HDX: variants seen among roughly 807,000 people sequenced by gnomAD.
The protein encoded by HDX is chromosome X open reading frame 43.
In HDX, 19 loss-of-function variants were observed where a neutral mutation model predicts 45.2. That is an observed-to-expected ratio of 0.42 (90% CI 0.29 to 0.62). The LOEUF is 0.62. Ranked by LOEUF, HDX falls within the 20% of genes least tolerant of loss-of-function variation. The pLI, the probability that HDX is intolerant of heterozygous loss-of-function variation, is 0.20. For synonymous variants in HDX, 188 were observed against 172.8 expected (o/e 1.09, Z -0.69); for missense variants, 532 against 493.9 (o/e 1.08, Z -0.73).
At chrX:84,448,127 G>A (rs915779363) in intron 4 of HDX, among the ~76,000 whole-genome samples, 3 of 111,470 alleles carry the variant, frequency 2.7e-5, no homozygotes, top group Admixed American at 9.4e-5. Flanking sequence ...AGGTTACCCC[G>A]CCCCATCCAC....
chrX:84,385,048 T>TC (rs1180223237), intron 5 of HDX, among the ~76,000 whole-genome samples: 1 of 110,084 alleles, frequency 9.1e-6, no homozygotes, highest in Non-Finnish European at 1.9e-5. Context: ...AATTTTTTTT[T>TC]CTCATTCTTT....
chrX:84,493,609 A>G (rs767677698), intron 1 of HDX, among the ~76,000 whole-genome samples: 39 of 112,038 alleles, frequency 3.5e-4, no homozygotes, highest in Non-Finnish European at 6.4e-4. Context: ...GCTTCTACCA[A>G]ATAAATGCAT....
At chrX:84,371,826 C>G (rs1024552988) in intron 5 of HDX, among the ~76,000 whole-genome samples, 1 of 111,394 alleles carries the variant, frequency 9.0e-6, no homozygotes, top group Non-Finnish European at 1.9e-5. Context: ...TACCCTGCTG[C>G]GAAGTTCTAG....
At chrX:84,461,788 A>T (rs1250427814) in intron 4 of HDX, among the ~76,000 whole-genome samples, 1 of 112,247 alleles carries the variant, frequency 8.9e-6, no homozygotes, top group Non-Finnish European at 1.9e-5. Context: ...ATTAATAATC[A>T]GAATACATAA....
rs1279694785 is a variant in HDX, at chrX:84,344,283, C to T, written c.1627G>A (p.Val543Ile). Residue 543 changes from valine (V) to isoleucine (I), a missense_variant, in exon 7 of 11, where the codon GTA (valine) becomes ATA (isoleucine). Val to Ile is a conservative substitution (Grantham distance 29). This residue lies in a region of HDX where 151 missense variants were observed against 131.8 expected (regional missense o/e 1.15). Coordinates refer to ENST00000373177, the MANE Select transcript of HDX (RefSeq NM_001177479.2). ...CTTCCTTCAGACAAACAGATGGATACTTCATCATTTCTGTCATTATCCTCT... is the reference window on the plus strand; with the variant it reads ...CTTCCTTCAGACAAACAGATGGATATTTCATCATTTCTGTCATTATCCTCT... ...VGEDNDRNDE[V>I]SICLSEGSSQ... 1 of 1,207,244 alleles carries T rather than the reference C, an allele frequency of 8.3e-7. No individual in the cohort carries two copies. The highest frequency in any genetic ancestry group is 1.8e-5 in the South Asian group (1 of 56,830).
intron 10 of HDX, among the ~76,000 whole-genome samples, chrX:84,325,254 G>T (rs2036683618): frequency 9.0e-6 from 1 of 111,036 alleles, no homozygotes; most frequent in Non-Finnish European, 1.9e-5. Context: ...TTTCCTTAGG[G>T]ATGTCTGAGA....
rs181698905 is a variant in HDX at position 84,462,487 on chromosome X, G to T, written c.1251+5985C>A. On this transcript the variant is annotated intron_variant, in intron 4 of 10. Coordinates refer to ENST00000373177, the MANE Select transcript of HDX (RefSeq NM_001177479.2). ...AATTTAAAACAATTGAACTCATGGA[G>T]ATAAAGAGGAAAGAGATGATTACCA... Among the ~76,000 whole-genome samples, 165 of 111,272 alleles carry T rather than the reference G, an allele frequency of 1.5e-3. 1 individual carries two copies. Among genetic ancestry groups the T allele is most frequent in the Non-Finnish European group, 2.5e-3 (131 of 52,863 alleles).
intron 4 of HDX, among the ~76,000 whole-genome samples, chrX:84,441,132 T>C: frequency 9.0e-6 from 1 of 111,345 alleles, no homozygotes; most frequent in Non-Finnish European, 1.9e-5. Flanking sequence ...CAAAGTACTG[T>C]AATAAAAGTT....
In HDX at chrX:84,385,196, C is replaced by CTTTTTTTT. The variant is rs146043472; in HGVS notation, c.1306-23592_1306-23585dup. On this transcript the variant is annotated intron_variant, in intron 5 of 10. Transcript: ENST00000373177. The stretch of plus-strand genomic sequence containing the variant: ...CATATATTTGTGTCATCTCTGATTT[C>CTTTTTTTT]TTTTTTTTTTTTTTTTTTTTTTTTT... Among the ~76,000 whole-genome samples the CTTTTTTTT allele has an allele frequency of 5.4e-4, 16 of 29,534 alleles. 3 individuals are homozygous for CTTTTTTTT. The highest frequency in any genetic ancestry group is 1.8e-3 in the African/African-American group (11 of 6,284). The allele number at this position is 29,534 out of a possible 115,157, so 25.6% of individuals were successfully genotyped here. A position where few individuals can be genotyped will look rare whatever the true frequency, so the allele number is the denominator to read the frequency against.
chrX:84,374,022 C>G (rs1384060375), intron 5 of HDX, among the ~76,000 whole-genome samples: 1 of 109,396 alleles, frequency 9.1e-6, no homozygotes, highest in Admixed American at 9.8e-5. Flanking sequence ...ATTGTCTCAG[C>G]CCAAAATCTC....
intron 2 of HDX, among the ~76,000 whole-genome samples, chrX:84,477,402 C>A (rs1469952865): frequency 8.9e-6 from 1 of 111,911 alleles, no homozygotes; most frequent in Admixed American, 9.5e-5. Context: ...AGTGTGATAT[C>A]AACCTACAAA....
At chrX:84,357,462 G>GA (rs2037514650) in intron 6 of HDX, among the ~76,000 whole-genome samples, 1 of 111,330 alleles carries the variant, frequency 9.0e-6, no homozygotes, top group Non-Finnish European at 1.9e-5. Flanking sequence ...TGCAGAAAAG[G>GA]AAAAAATGAT....
intron 10 of HDX, among the ~76,000 whole-genome samples, chrX:84,323,490 A>G (rs1279563933): frequency 9.0e-6 from 1 of 111,549 alleles, no homozygotes; most frequent in Non-Finnish European, 1.9e-5. Flanking sequence ...ATGTTCTTAG[A>G]GTCAGAAAGT....
chrX:84,364,985 T>G lies in HDX; in HGVS notation c.1306-3373A>C, dbSNP rs1602317471. On this transcript the variant is annotated intron_variant, in intron 5 of 10. Transcript: ENST00000373177. ...AATTCCATTGTACATATATGAAACA[T>G]TTTCTCTGTTTTTTTATCCCTCTAT... 2.7e-5 allele frequency among the ~76,000 whole-genome samples: 3 copies of G among 111,458 alleles called. No homozygotes were observed. The Admixed American group carries it at 2.9e-4, about 11-fold the overall frequency.
At chrX:84,462,868 T>G (rs766340209) in intron 4 of HDX, among the ~76,000 whole-genome samples, 18 of 111,331 alleles carry the variant, frequency 1.6e-4, no homozygotes, top group African/African-American at 5.9e-4. Context: ...TATTAATGCA[T>G]GCTATGACAT....
intron 2 of HDX, among the ~76,000 whole-genome samples, chrX:84,484,099 T>C (rs770914749): frequency 1.8e-5 from 2 of 111,950 alleles, no homozygotes; most frequent in South Asian, 3.7e-4. Context: ...TCTAGGAAGT[T>C]ACAAATTTTC....
intron 3 of HDX, among the ~76,000 whole-genome samples, chrX:84,474,318 CAG>C (rs1435988925): frequency 3.6e-5 from 4 of 112,241 alleles, no homozygotes; most frequent in African/African-American, 6.5e-5. Context: ...ATAAAAGAAA[CAG>C]ATATCCTGGA....
intron 5 of HDX, among the ~76,000 whole-genome samples, chrX:84,410,074 A>C (rs1410061221): frequency 1.9e-5 from 2 of 105,763 alleles, no homozygotes; most frequent in Admixed American, 2.0e-4. Context: ...AAAAAAAAAA[A>C]AAAAAAAAGA....
At chrX:84,371,297 C>A (rs1488089701) in intron 5 of HDX, among the ~76,000 whole-genome samples, 1 of 111,739 alleles carries the variant, frequency 8.9e-6, no homozygotes. Context: ...CAGAGGATTG[C>A]TAAAAAAGAT....
Sources: gnomAD v4.1 joint callset for allele counts (sites outside exome capture counted in the v4.1 genomes callset) on GRCh38, gnomAD v4.1.1 for gene constraint, gnomAD v4.1.1 regional missense constraint, MANE v1.5 for transcripts, NCBI Gene and HGNC (gene_info 2026-07-23, HGNC 2026-07-21) for gene names.